SPIN1: variants seen among roughly 807,000 people sequenced by gnomAD.
SPIN1 encodes the protein spindlin-1.
SPIN1 carries 3 observed loss-of-function variants against 26.0 expected under a neutral mutation model. That is an observed-to-expected ratio of 0.12 (90% CI 0.05 to 0.30). The LOEUF is 0.30. Ranked by LOEUF, SPIN1 falls within the 10% of genes least tolerant of loss-of-function variation. The pLI, the probability that SPIN1 is intolerant of heterozygous loss-of-function variation, is 1.00. For missense variants in SPIN1, 126 were observed against 333.4 expected (o/e 0.38, Z 4.84); for synonymous variants, 101 against 116.5 (o/e 0.87, Z 0.86).
Position 88,471,971 on chromosome 9 carries a change from G to A in SPIN1, c.590-3107G>A, listed in dbSNP as rs566200376. Among the ~76,000 whole-genome samples the A allele has an allele frequency of 5.9e-5, 9 of 151,986 alleles. No homozygotes were observed. The East Asian group carries it at 1.2e-3, about 20-fold the overall frequency. On this transcript the variant is annotated intron_variant, in intron 5 of 5. Transcript: ENST00000375859. ...ACGCCACCACATTGGGCTAACTTTC[G>A]TATTTTTAGTAGAGATGGGGTTTTG...
chr9:88,424,976 A>C (rs1436814549), intron 1 of SPIN1, among the ~76,000 whole-genome samples: 1 of 152,176 alleles, frequency 6.6e-6, no homozygotes, highest in East Asian at 1.9e-4. Flanking sequence ...AGCTGTTATG[A>C]CTAGTGTTAT....
At position 88,423,198 on chromosome 9, in the gene SPIN1, G is replaced by T. The variant is rs537367987; in HGVS notation, c.-158-3184G>T. Among the ~76,000 whole-genome samples, 4 of 152,300 alleles carry T rather than the reference G, an allele frequency of 2.6e-5. No individual in the cohort carries two copies. In the South Asian group the frequency reaches 8.3e-4, roughly 32 times the overall value. On this transcript the variant is annotated intron_variant, in intron 1 of 5. Coordinates refer to ENST00000375859, the MANE Select transcript of SPIN1 (RefSeq NM_006717.3). Reference sequence around the variant, plus strand: ...TGCTAAGATAAGCTTAAATCTGATAGGAGGGTACATACTTCAGAATATCAG... The same window carrying T: ...TGCTAAGATAAGCTTAAATCTGATATGAGGGTACATACTTCAGAATATCAG...
intron 1 of SPIN1, among the ~76,000 whole-genome samples, chr9:88,425,689 A>G (rs1363900516): frequency 6.6e-6 from 1 of 151,872 alleles, no homozygotes; most frequent in African/African-American, 2.4e-5. Flanking sequence ...AAAAAAAAAA[A>G]GATACACTAC....
At chr9:88,457,585 A>ACT (rs1282205239) in intron 3 of SPIN1, among the ~76,000 whole-genome samples, 1 of 152,144 alleles carries the variant, frequency 6.6e-6, no homozygotes, top group East Asian at 1.9e-4. Flanking sequence ...CCTCAGAGGA[A>ACT]CAAGGATCAG....
At chr9:88,411,942 C>A (rs1018692986) in intron 1 of SPIN1, among the ~76,000 whole-genome samples, 1 of 151,332 alleles carries the variant, frequency 6.6e-6, no homozygotes, top group African/African-American at 2.4e-5. Context: ...GAGGCCGAGA[C>A]GGGCAGATCA....
intron 5 of SPIN1, among the ~76,000 whole-genome samples, chr9:88,474,063 A>G (rs774135108): frequency 5.9e-5 from 9 of 152,178 alleles, no homozygotes; most frequent in African/African-American, 9.6e-5. Flanking sequence ...GCAGACTACT[A>G]TTAATACATG....
intron 2 of SPIN1, among the ~76,000 whole-genome samples, chr9:88,427,709 G>T (rs1177633875): frequency 6.6e-6 from 1 of 151,588 alleles, no homozygotes; most frequent in South Asian, 2.1e-4. Context: ...CGGTTCTCCT[G>T]CCTTGGTCTC....
intron 2 of SPIN1, 23 bp from the exon 3 acceptor site, chr9:88,448,918 C>CTATA: frequency 6.2e-7 from 1 of 1,611,586 alleles, no homozygotes; most frequent in Non-Finnish European, 8.5e-7. Context: ...TTTTCATTGA[C>CTATA]TATATACTCA....
At chr9:88,448,291 G>A (rs1345653914) in intron 2 of SPIN1, among the ~76,000 whole-genome samples, 1 of 151,996 alleles carries the variant, frequency 6.6e-6, no homozygotes, top group Non-Finnish European at 1.5e-5. Flanking sequence ...GAATCCACCC[G>A]ACTTGGCCTC....
At chr9:88,444,678 T>G (rs1329747419) in intron 2 of SPIN1, among the ~76,000 whole-genome samples, 1 of 150,676 alleles carries the variant, frequency 6.6e-6, no homozygotes, top group Non-Finnish European at 1.5e-5. Context: ...ATGAATGGTT[T>G]ACCTTTTCTT....
At chr9:88,425,669 G>A (rs1245256051) in intron 1 of SPIN1, among the ~76,000 whole-genome samples, 3 of 146,356 alleles carry the variant, frequency 2.0e-5, no homozygotes, top group African/African-American at 7.6e-5. Context: ...GCGAGACTCT[G>A]TCTCAAAAAA....
At chr9:88,439,552 A>G (rs1266138664) in intron 2 of SPIN1, among the ~76,000 whole-genome samples, 2 of 152,218 alleles carry the variant, frequency 1.3e-5, no homozygotes, top group African/African-American at 2.4e-5. Context: ...AATGTGAAAG[A>G]CTTCTGGTCC....
intron 4 of SPIN1, among the ~76,000 whole-genome samples, chr9:88,467,858 CAAA>C (rs201593243): frequency 2.7e-5 from 3 of 113,140 alleles, no homozygotes; most frequent in Non-Finnish European, 6.2e-5. Context: ...AAAAAAAAAA[CAAA>C]AAAAAAACCC....
At chr9:88,459,148 A>C (rs1828529351) in intron 3 of SPIN1, among the ~76,000 whole-genome samples, 1 of 152,224 alleles carries the variant, frequency 6.6e-6, no homozygotes, top group Non-Finnish European at 1.5e-5. Flanking sequence ...AGGTTTGGGA[A>C]CTAACCTTAG....
chr9:88,477,965 A>C lies in SPIN1; in HGVS notation c.*2688A>C, dbSNP rs1284572574. 1 of 152,186 alleles carries C rather than the reference A, an allele frequency of 6.6e-6. No individual in the cohort carries two copies. Among genetic ancestry groups the C allele is most frequent in the Non-Finnish European group, 1.5e-5 (1 of 68,038 alleles). 9.4% of individuals were successfully genotyped at this position (152,186 alleles called of 1,614,324 possible). A position where few individuals can be genotyped will look rare whatever the true frequency, so the allele number is the denominator to read the frequency against. ...GTTCAATGTAACTGACTAAAATTGCATGTTAAAGATATTTAGGTTTTTTTG... is the reference window on the plus strand; with the variant it reads ...GTTCAATGTAACTGACTAAAATTGCCTGTTAAAGATATTTAGGTTTTTTTG... On this transcript the variant is annotated 3_prime_UTR_variant, in exon 6 of 6. Coordinates refer to ENST00000375859, the MANE Select transcript of SPIN1 (RefSeq NM_006717.3).
At chr9:88,423,726 AT>A (rs201525377) in intron 1 of SPIN1, among the ~76,000 whole-genome samples, 9,462 of 129,408 alleles carry the variant, frequency 0.073, 603 homozygotes, top group African/African-American at 0.19. Context: ...TACATCATGT[AT>A]TTTTTTTTTT....
In SPIN1 at chr9:88,437,691, CA is replaced by C. The variant is rs1209335266; in HGVS notation, c.52+11101del. Among the ~76,000 whole-genome samples the C allele has an allele frequency of 2.0e-5, 3 of 152,166 alleles. No individual in the cohort carries two copies. In the East Asian group the frequency reaches 5.8e-4, roughly 29 times the overall value. Reference sequence around the variant, plus strand: ...CTTCCAAAGCGGCTCTACCGTTTTGCATTTCCACAAGCAACTAGCTTTTGGT... The same window carrying C: ...CTTCCAAAGCGGCTCTACCGTTTTGCTTTCCACAAGCAACTAGCTTTTGGT... On this transcript the variant is annotated intron_variant, in intron 2 of 5. Coordinates refer to ENST00000375859, the MANE Select transcript of SPIN1 (RefSeq NM_006717.3).
chr9:88,399,973 A>G (rs1827151891), intron 1 of SPIN1, among the ~76,000 whole-genome samples: 1 of 152,188 alleles, frequency 6.6e-6, no homozygotes, highest in Non-Finnish European at 1.5e-5. Flanking sequence ...TTGGAGGCAT[A>G]TGGTCAGATT....
At chr9:88,409,235 T>G (rs1406256339) in intron 1 of SPIN1, among the ~76,000 whole-genome samples, 1 of 151,400 alleles carries the variant, frequency 6.6e-6, no homozygotes, top group Admixed American at 6.6e-5. Context: ...CCTCAGGTGA[T>G]CTGCCCGCCT....
Sources: gnomAD v4.1 joint callset for allele counts (sites outside exome capture counted in the v4.1 genomes callset) on GRCh38, gnomAD v4.1.1 for gene constraint, MANE v1.5 for transcripts, NCBI Gene and HGNC (gene_info 2026-07-23, HGNC 2026-07-21) for gene names.